Variants in VPS13C observed in about 807,000 individuals in gnomAD.
The protein encoded by VPS13C is intermembrane lipid transfer protein VPS13C.
A neutral mutation model predicts 456.8 loss-of-function variants in VPS13C; 358 were observed. That is an observed-to-expected ratio of 0.78 (90% CI 0.72 to 0.86). The LOEUF is 0.86. Among genes scored for constraint, VPS13C ranks in the 40% least tolerant of loss-of-function variants. The probability of loss-of-function intolerance (pLI) is 0.00; values close to 1 mark genes in which losing one functional copy is unlikely to be tolerated. For missense variants in VPS13C, 4,818 were observed against 4,385.4 expected, an observed-to-expected ratio of 1.10 and a Z score of -2.79; for synonymous variants, 1,578 against 1,486.7, an observed-to-expected ratio of 1.06 and a Z score of -1.41.
intron 1 of VPS13C, among the ~76,000 whole-genome samples, chr15:62,051,856 A>G (rs2048629692): frequency 6.6e-6 from 1 of 152,242 alleles, no homozygotes; most frequent in South Asian, 2.1e-4. Flanking sequence ...TCATTTTAGT[A>G]CTTTTTAAAA....
At chr15:61,964,468 A>C (rs1335187296) in intron 31 of VPS13C, among the ~76,000 whole-genome samples, 1 of 151,954 alleles carries the variant, frequency 6.6e-6, no homozygotes, top group Admixed American at 6.6e-5. Flanking sequence ...CCTATTACCT[A>C]CCTAAGGGCT....
intron 33 of VPS13C, 33 bp from the exon 34 acceptor site, chr15:61,962,571 G>A (rs149303134): frequency 8.9e-6 from 14 of 1,568,490 alleles, no homozygotes; most frequent in Middle Eastern, 1.7e-4. Context: ...TACTCTATCC[G>A]GGAAGGTAAT....
At chr15:62,030,458 C>T (rs1170406742) in intron 5 of VPS13C, among the ~76,000 whole-genome samples, 2 of 152,010 alleles carry the variant, frequency 1.3e-5, no homozygotes, top group Non-Finnish European at 2.9e-5. Flanking sequence ...CTGAGGCCCT[C>T]ACCAGGAGCA....
At chr15:61,948,445 A>G (rs926667172) in intron 42 of VPS13C, among the ~76,000 whole-genome samples, 19 of 152,002 alleles carry the variant, frequency 1.2e-4, no homozygotes, top group African/African-American at 4.1e-4. Context: ...ACTTTGGGAG[A>G]CCGAGGCAGG....
chr15:61,877,061 G>A lies in VPS13C; in HGVS notation c.10143-7C>T, dbSNP rs1370530572. 2 of 1,586,128 alleles carry A rather than the reference G, an allele frequency of 1.3e-6. No homozygotes were observed. The highest frequency in any genetic ancestry group is 1.2e-5 in the South Asian group (1 of 86,838). The stretch of plus-strand genomic sequence containing the variant: ...AATTTCATAATAAGCAAGTCTGGGA[G>A]GAGAAAAAGGAAAGATTCAAAGATA... On this transcript the variant is annotated splice_region_variant and splice_polypyrimidine_tract_variant and intron_variant, in intron 74 of 84. Transcript: ENST00000644861.
At chr15:61,864,397 T>A (rs1894396292) in intron 81 of VPS13C, 1 of 899,320 alleles carries the variant, frequency 1.1e-6, no homozygotes. Context: ...CGAGTTTTTT[T>A]ATAATGAATG....
intron 67 of VPS13C, among the ~76,000 whole-genome samples, chr15:61,888,903 A>C (rs568763753): frequency 1.3e-5 from 2 of 152,290 alleles, no homozygotes; most frequent in Admixed American, 1.3e-4. Flanking sequence ...ATATTAGCTC[A>C]TCAATAGTAA....
intron 79 of VPS13C, among the ~76,000 whole-genome samples, chr15:61,870,135 A>T (rs1247925979): frequency 6.6e-6 from 1 of 152,222 alleles, no homozygotes; most frequent in African/African-American, 2.4e-5. Context: ...AGCTTTTAGT[A>T]TGTTCAGACT....
At chr15:61,958,306 T>C (rs1442557258) in intron 37 of VPS13C, among the ~76,000 whole-genome samples, 1 of 152,082 alleles carries the variant, frequency 6.6e-6, no homozygotes, top group Non-Finnish European at 1.5e-5. Flanking sequence ...AAATGGTTTC[T>C]TCTATACATG....
rs982469017 is a variant in VPS13C, at chr15:61,958,802, C to T, written c.4057-86G>A. 1.1e-4 allele frequency: 74 copies of T among 667,686 alleles called. 1 individual carries two copies. Among genetic ancestry groups the T allele is most frequent in the South Asian group, 8.2e-4 (34 of 41,554 alleles). The allele number at this position is 667,686 out of a possible 1,614,324, so 41.4% of individuals were successfully genotyped here. ...ACAGAAAATAAATTCCCATTTGCAA[C>T]ACATGAGGGACAGAATAATCCTAAC... On this transcript the variant is annotated intron_variant, in intron 36 of 84. Coordinates refer to ENST00000644861, the MANE Select transcript of VPS13C (RefSeq NM_020821.3).
chr15:62,053,669 T>C (rs1450878239), intron 1 of VPS13C, among the ~76,000 whole-genome samples: 2 of 152,174 alleles, frequency 1.3e-5, no homozygotes, highest in Admixed American at 6.5e-5. Flanking sequence ...CAATGGTCAC[T>C]TGTCAGAGAC....
At chr15:62,033,376 T>G (rs2140648938) in intron 5 of VPS13C, 65 bp downstream of exon 5, 3 of 1,091,876 alleles carry the variant, frequency 2.7e-6, no homozygotes, top group South Asian at 3.8e-5. Context: ...AGCATCCTCT[T>G]TAAAGGATAT....
At chr15:62,014,758 TGTG>T (rs1385573711) in intron 9 of VPS13C, among the ~76,000 whole-genome samples, 1 of 152,134 alleles carries the variant, frequency 6.6e-6, no homozygotes, top group African/African-American at 2.4e-5. Flanking sequence ...AGTGAATGAA[TGTG>T]GTTTTGACAG....
chr15:61,969,599 G>A, intron 27 of VPS13C, 147 bp from the exon 28 acceptor site: 3 of 413,758 alleles, frequency 7.3e-6, no homozygotes, highest in South Asian at 1.8e-4. Context: ...TAATATAATT[G>A]GAAATTACAA....
At chr15:61,964,884 A>G in intron 30 of VPS13C, 23 bp from the exon 31 acceptor site, 1 of 1,590,622 alleles carries the variant, frequency 6.3e-7, no homozygotes, top group South Asian at 1.2e-5. Flanking sequence ...TAAAGAGAAA[A>G]TTAGTTTTCC....
At chr15:61,962,058 A>G (rs545149101) in intron 34 of VPS13C, among the ~76,000 whole-genome samples, 165 bp from the exon 35 acceptor site, 199 of 152,274 alleles carry the variant, frequency 1.3e-3, no homozygotes, top group African/African-American at 4.1e-3. Context: ...TAATCCATCT[A>G]TAACTATGAG....
chr15:61,861,396 T>C (rs1358115044), intron 82 of VPS13C, among the ~76,000 whole-genome samples: 2 of 152,218 alleles, frequency 1.3e-5, no homozygotes, highest in East Asian at 3.9e-4. Context: ...ATACTGTTCA[T>C]AGCTGTTTTC....
At chr15:61,930,533 T>C (rs114664794) in intron 50 of VPS13C, among the ~76,000 whole-genome samples, 1,526 of 152,328 alleles carry the variant, frequency 0.01, 29 homozygotes, top group African/African-American at 0.035. Context: ...CAAAATATTA[T>C]GTCTCATTAC....
At chr15:62,047,503 T>C (rs908260198) in intron 1 of VPS13C, among the ~76,000 whole-genome samples, 16 of 152,084 alleles carry the variant, frequency 1.1e-4, no homozygotes, top group African/African-American at 3.9e-4. Context: ...ACTTCCTCTT[T>C]GAAAATGTGA....
Sources: allele counts gnomAD v4.1 joint callset (sites outside exome capture counted in the v4.1 genomes callset), GRCh38; gene constraint gnomAD v4.1.1; transcripts MANE v1.5; gene names NCBI Gene and HGNC (gene_info 2026-07-23, HGNC 2026-07-21).